Variants in PCDH15 observed in about 807,000 individuals in gnomAD.
The protein encoded by PCDH15 is protocadherin-15.
A neutral mutation model predicts 178.5 loss-of-function variants in PCDH15; 129 were observed. That is an observed-to-expected ratio of 0.72 (90% confidence interval 0.63 to 0.84). PCDH15 has a LOEUF of 0.84. Among genes scored for constraint, PCDH15 ranks in the 40% least tolerant of loss-of-function variants. The pLI, the probability that PCDH15 is intolerant of heterozygous loss-of-function variation, is 0.00. For missense variants in PCDH15, 2,230 were observed against 2,099.9 expected (o/e 1.06, Z -1.21); for synonymous variants, 800 against 732.0 (o/e 1.09, Z -1.50).
intron 8 of PCDH15, among the ~76,000 whole-genome samples, chr10:54,294,138 A>G (rs2059597821): frequency 6.6e-6 from 1 of 152,228 alleles, no homozygotes; most frequent in Non-Finnish European, 1.5e-5. Flanking sequence ...CTGTGCAGCC[A>G]TAAAAAAGGA....
chr10:55,092,588 C>T (rs1282240121), intron 2 of PCDH15, among the ~76,000 whole-genome samples: 2 of 151,708 alleles, frequency 1.3e-5, no homozygotes, highest in Non-Finnish European at 2.9e-5. Flanking sequence ...GAATAAACTG[C>T]CTTTTTCACC....
At chr10:55,405,501 T>C (rs952727954) in intron 2 of PCDH15, among the ~76,000 whole-genome samples, 1 of 151,520 alleles carries the variant, frequency 6.6e-6, no homozygotes, top group African/African-American at 2.4e-5. Context: ...GGAAGTTGCC[T>C]CTGTATAATT....
intron 2 of PCDH15, among the ~76,000 whole-genome samples, chr10:54,604,063 C>T (rs2092649300): frequency 9.9e-6 from 1 of 101,380 alleles, no homozygotes; most frequent in Non-Finnish European, 2.0e-5. Flanking sequence ...TGTTTAGCTT[C>T]CATGTATTTG....
chr10:53,836,548 T>C lies in PCDH15; in HGVS notation c.3983+3772A>G, dbSNP rs537622209. On this transcript the variant is annotated intron_variant, in intron 29 of 37. Coordinates refer to ENST00000644397, the MANE Select transcript of PCDH15 (RefSeq NM_001384140.1). ...CTATTCTAAGACTGAGTTGACACCA[T>C]TCCACCAATAAAAGAATTTTTGAAG... Among the ~76,000 whole-genome samples, 12 of 152,300 alleles carry C rather than the reference T, an allele frequency of 7.9e-5. No homozygotes were observed. The South Asian group carries it at 2.3e-3, about 29-fold the overall frequency.
intron 1 of PCDH15, among the ~76,000 whole-genome samples, chr10:55,281,723 C>A (rs891799672): frequency 4.6e-5 from 7 of 152,242 alleles, no homozygotes; most frequent in Admixed American, 1.3e-4. Flanking sequence ...AACTTAAATT[C>A]TTCAAAGACA....
chr10:54,655,252 AAGAAAGAGAGAGAGAGAGAG>A (rs1320232549), intron 2 of PCDH15, among the ~76,000 whole-genome samples: 49 of 46,338 alleles, frequency 1.1e-3, no homozygotes, highest in Middle Eastern at 0.013. Context: ...GAAAGAAAGA[AAGAAAGAGAGAGAGAGAGAG>A]AGAGAGAGAG....
chr10:53,962,718 A>G (rs1312564834), intron 21 of PCDH15, among the ~76,000 whole-genome samples: 1 of 152,190 alleles, frequency 6.6e-6, no homozygotes, highest in African/African-American at 2.4e-5. Flanking sequence ...TGGGACACCA[A>G]ACAAAGTCAC....
intron 13 of PCDH15, among the ~76,000 whole-genome samples, chr10:54,164,798 A>C (rs1220770535): frequency 6.6e-6 from 1 of 151,824 alleles, no homozygotes; most frequent in Non-Finnish European, 1.5e-5. Flanking sequence ...CAGATGACTT[A>C]GAAGTCATAA....
intron 18 of PCDH15, among the ~76,000 whole-genome samples, chr10:54,033,973 C>T (rs2093359386): frequency 1.3e-5 from 2 of 151,824 alleles, no homozygotes; most frequent in Non-Finnish European, 2.9e-5. Flanking sequence ...CAGGGCTTTT[C>T]ATTATATTAC....
intron 2 of PCDH15, among the ~76,000 whole-genome samples, chr10:54,645,655 G>A (rs989224955): frequency 6.6e-6 from 1 of 152,152 alleles, no homozygotes; most frequent in African/African-American, 2.4e-5. Flanking sequence ...AAAGTATTAT[G>A]AGTGTTCTAA....
intron 25 of PCDH15, among the ~76,000 whole-genome samples, chr10:53,920,695 C>A (rs1038891103): frequency 3.3e-5 from 5 of 152,140 alleles, no homozygotes; most frequent in African/African-American, 9.7e-5. Flanking sequence ...ATCTAAAGAA[C>A]CTGTGGAGAT....
chr10:55,405,305 C>T (rs1334523), intron 2 of PCDH15, among the ~76,000 whole-genome samples: 47,339 of 116,380 alleles, frequency 0.41, 11,071 homozygotes, highest in African/African-American at 0.51. Flanking sequence ...TATATATATA[C>T]AATTTAATGT....
chr10:55,353,438 T>C (rs1213232626), intron 2 of PCDH15, among the ~76,000 whole-genome samples: 1 of 152,168 alleles, frequency 6.6e-6, no homozygotes, highest in East Asian at 1.9e-4. Flanking sequence ...GAGCAAGTGT[T>C]GGTTATTAAA....
chr10:54,853,337 A>G (rs1176077224), intron 3 of PCDH15, among the ~76,000 whole-genome samples: 2 of 42,036 alleles, frequency 4.8e-5, no homozygotes, highest in African/African-American at 1.4e-4. Flanking sequence ...ACACATATAC[A>G]TATATATACA....
intron 2 of PCDH15, among the ~76,000 whole-genome samples, chr10:55,520,536 T>C (rs934377085): frequency 2.0e-5 from 3 of 149,198 alleles, no homozygotes; most frequent in African/African-American, 7.3e-5. Flanking sequence ...TATATATATG[T>C]ATATATATTT....
intron 8 of PCDH15, among the ~76,000 whole-genome samples, chr10:54,297,512 A>T (rs2059878828): frequency 6.6e-6 from 1 of 152,114 alleles, no homozygotes; most frequent in Non-Finnish European, 1.5e-5. Flanking sequence ...TGCAATTTAC[A>T]TCCCACAGGA....
chr10:54,892,462 T>TA (rs1211324612), intron 3 of PCDH15, among the ~76,000 whole-genome samples: 1 of 150,904 alleles, frequency 6.6e-6, no homozygotes. Context: ...TCTAGTAAAG[T>TA]AAAAAAATGC....
chr10:54,720,236 C>T (rs931963279), intron 1 of PCDH15, among the ~76,000 whole-genome samples: 4 of 151,992 alleles, frequency 2.6e-5, no homozygotes, highest in Non-Finnish European at 4.4e-5. Context: ...TATAAAGATA[C>T]ATGCACAAGC....
chr10:54,608,761 T>A (rs1348847480), intron 2 of PCDH15, among the ~76,000 whole-genome samples: 1 of 151,990 alleles, frequency 6.6e-6, no homozygotes, highest in Non-Finnish European at 1.5e-5. Context: ...TTTAGTGTAG[T>A]TTAGTAAAAT....
Sources: gnomAD v4.1 joint callset for allele counts (sites outside exome capture counted in the v4.1 genomes callset) on GRCh38, gnomAD v4.1.1 for gene constraint, MANE v1.5 for transcripts, NCBI Gene and HGNC (gene_info 2026-07-23, HGNC 2026-07-21) for gene names.